The following USP15 variants were observed in gnomAD, a reference collection of about 807,000 sequenced individuals.
USP15 encodes ubiquitin specific peptidase 15, also known as ubiquitin carboxyl-terminal hydrolase 15.
USP15 carries 18 observed loss-of-function variants against 127.1 expected under a neutral mutation model. The observed-to-expected ratio is 0.14, with a 90% CI of 0.10 to 0.21. USP15 has a LOEUF of 0.21. Among genes scored for constraint, USP15 ranks in the 10% least tolerant of loss-of-function variants. USP15 has a pLI of 1.00. For synonymous variants in USP15, 364 were observed against 393.7 expected (o/e 0.92, Z 0.89); for missense variants, 805 against 1,159.9 (o/e 0.69, Z 4.44).
chr12:62,307,626 T>C (rs527479977), intron 3 of USP15, among the ~76,000 whole-genome samples: 2 of 152,232 alleles, frequency 1.3e-5, no homozygotes, highest in East Asian at 1.9e-4. Context: ...TCCAAAAATA[T>C]TAAGTGGGAA....
At chr12:62,283,446 C>G (rs2063706042) in intron 1 of USP15, among the ~76,000 whole-genome samples, 1 of 152,160 alleles carries the variant, frequency 6.6e-6, no homozygotes, top group Non-Finnish European at 1.5e-5. Flanking sequence ...AAAATGTTTG[C>G]TGTCTCTTCA....
intron 6 of USP15, among the ~76,000 whole-genome samples, chr12:62,332,777 A>G (rs2065343630): frequency 6.6e-6 from 1 of 151,958 alleles, no homozygotes; most frequent in Non-Finnish European, 1.5e-5. Flanking sequence ...TTACTCATAC[A>G]CTGTCCCTCT....
intron 1 of USP15, among the ~76,000 whole-genome samples, 184 bp downstream of exon 1, chr12:62,260,687 G>C (rs942769812): frequency 6.6e-6 from 1 of 152,130 alleles, no homozygotes; most frequent in East Asian, 1.9e-4. Context: ...TGAGGGTCAG[G>C]GTTCTTGGCT....
At chr12:62,342,517 G>A (rs2065675941) in intron 6 of USP15, among the ~76,000 whole-genome samples, 1 of 152,146 alleles carries the variant, frequency 6.6e-6, no homozygotes, top group East Asian at 1.9e-4. Context: ...GCGTTTTTGT[G>A]CTGGTTTATC....
chr12:62,402,851 A>G (rs2067739933), intron 21 of USP15, among the ~76,000 whole-genome samples: 1 of 152,116 alleles, frequency 6.6e-6, no homozygotes, highest in South Asian at 2.1e-4. Flanking sequence ...GACACTGAGT[A>G]AAGAAACAGA....
chr12:62,274,653 A>C (rs2063435284), intron 1 of USP15, among the ~76,000 whole-genome samples: 6 of 152,110 alleles, frequency 3.9e-5, no homozygotes, highest in Admixed American at 3.9e-4. Flanking sequence ...ACAAACAAAC[A>C]GATAAATAAA....
chr12:62,289,492 CTCT>C (rs1306237522), intron 1 of USP15, among the ~76,000 whole-genome samples: 3 of 151,924 alleles, frequency 2.0e-5, no homozygotes, highest in Non-Finnish European at 4.4e-5. Flanking sequence ...CGAATCTTCT[CTCT>C]TCTTGGTTAG....
chr12:62,316,348 T>C (rs1342797777), intron 4 of USP15, among the ~76,000 whole-genome samples: 2 of 151,816 alleles, frequency 1.3e-5, no homozygotes, highest in African/African-American at 4.8e-5. Flanking sequence ...ATAAGGAATT[T>C]CATATGTAAG....
intron 6 of USP15, among the ~76,000 whole-genome samples, chr12:62,344,374 T>C (rs1235599679): frequency 6.6e-6 from 1 of 152,196 alleles, no homozygotes; most frequent in African/African-American, 2.4e-5. Context: ...CTCCTTTGAC[T>C]CCATGTCTTG....
Position 62,384,231 on chromosome 12 carries a change from T to C in USP15, c.1402T>C (p.Leu468=). Residue 468 remains leucine, a synonymous_variant, in exon 11 of 22, where the codon TTG becomes CTG. Transcript: ENST00000280377. ...TCCTTTTTGTTACTTGACACTTCCA[T>C]TGCCCATGAAAAAAGAACGCACCTT... ...FDPFCYLTLP[L]PMKKERTLEV... is the part of the protein sequence containing the mutation. 6.2e-7 allele frequency: 1 copy of C among 1,612,870 alleles called. No homozygotes were observed. The highest frequency in any genetic ancestry group is 8.5e-7 in the Non-Finnish European group (1 of 1,179,244).
chr12:62,299,746 T>G (rs1339065242), intron 2 of USP15, among the ~76,000 whole-genome samples: 5 of 152,342 alleles, frequency 3.3e-5, no homozygotes, highest in Non-Finnish European at 7.3e-5. Flanking sequence ...TCTTAGACTG[T>G]TTTTCCAAAG....
At chr12:62,382,538 C>T (rs1485199386) in intron 9 of USP15, among the ~76,000 whole-genome samples, 1 of 151,924 alleles carries the variant, frequency 6.6e-6, no homozygotes, top group Non-Finnish European at 1.5e-5. Flanking sequence ...CCAGACAAAC[C>T]ATCTCTCAGC....
chr12:62,275,546 G>A (rs2063469710), intron 1 of USP15, among the ~76,000 whole-genome samples: 1 of 151,938 alleles, frequency 6.6e-6, no homozygotes, highest in African/African-American at 2.4e-5. Context: ...GAAAGTTGAG[G>A]AAATGGAAAC....
rs2067874431 is a variant in USP15, at chr12:62,406,577, T to C, written c.*2202T>C. 6.6e-6 allele frequency: 1 copy of C among 152,222 alleles called. No individual in the cohort carries two copies. The highest frequency in any genetic ancestry group is 1.5e-5 in the Non-Finnish European group (1 of 68,032). The allele number at this position is 152,222 out of a possible 1,614,324, so 9.4% of individuals were successfully genotyped here. A position where few individuals can be genotyped will look rare whatever the true frequency, so the allele number is the denominator to read the frequency against. On this transcript the variant is annotated 3_prime_UTR_variant, in exon 22 of 22. Transcript: ENST00000280377. Reference sequence around the variant, plus strand: ...AAAAGAAGTGATGTTAATAATGCCATTGAAACTGCCAAACTCAAATGTCAT... The same window carrying C: ...AAAAGAAGTGATGTTAATAATGCCACTGAAACTGCCAAACTCAAATGTCAT...
chr12:62,314,653 A>G (rs1007869669), intron 3 of USP15, 137 bp from the exon 4 acceptor site: 4 of 799,864 alleles, frequency 5.0e-6, no homozygotes, highest in Non-Finnish European at 7.0e-6. Context: ...CTTTTTTTAT[A>G]TATATTGGCA....
intron 6 of USP15, among the ~76,000 whole-genome samples, chr12:62,344,814 T>C (rs962374347): frequency 1.3e-5 from 2 of 152,184 alleles, no homozygotes; most frequent in African/African-American, 4.8e-5. Flanking sequence ...CTGCCAAGAT[T>C]TGGGGCTTCC....
chr12:62,388,000 G>C (rs2067206053), intron 11 of USP15, among the ~76,000 whole-genome samples: 3 of 151,944 alleles, frequency 2.0e-5, no homozygotes, highest in Admixed American at 1.3e-4. Flanking sequence ...AAAGAAGTTA[G>C]TAGAACAGGA....
intron 2 of USP15, 105 bp from the exon 3 acceptor site, chr12:62,302,685 T>C: frequency 7.6e-7 from 1 of 1,323,464 alleles, no homozygotes; most frequent in Non-Finnish European, 1.0e-6. Flanking sequence ...CTTTAGAGCT[T>C]AAAACTTGTT....
At chr12:62,262,601 T>C (rs1178965132) in intron 1 of USP15, among the ~76,000 whole-genome samples, 1 of 148,172 alleles carries the variant, frequency 6.7e-6, no homozygotes, top group African/African-American at 2.6e-5. Flanking sequence ...AAGTTTGGTA[T>C]TTTCAAATAA....
Sources: gnomAD v4.1 joint callset for allele counts (sites outside exome capture counted in the v4.1 genomes callset) on GRCh38, gnomAD v4.1.1 for gene constraint, MANE v1.5 for transcripts, NCBI Gene and HGNC (gene_info 2026-07-23, HGNC 2026-07-21) for gene names.